The following TMEM26 variants were observed in gnomAD, a reference collection of about 807,000 sequenced individuals.
The protein encoded by TMEM26 is transmembrane protein 26.
A neutral mutation model predicts 28.8 loss-of-function variants in TMEM26; 38 were observed. That is an observed-to-expected ratio of 1.32 (90% CI 1.02 to 1.73). The LOEUF (loss-of-function observed/expected upper bound fraction) is 1.73. Ranked by LOEUF, TMEM26 falls within the 40% of genes most tolerant of loss-of-function variation. TMEM26 has a pLI of 0.00. For synonymous variants in TMEM26, 227 were observed against 182.9 expected (o/e 1.24, Z -1.95); for missense variants, 518 against 447.1 (o/e 1.16, Z -1.43).
At chr10:61,421,247 C>A in intron 4 of TMEM26, among the ~76,000 whole-genome samples, 1 of 151,446 alleles carries the variant, frequency 6.6e-6, no homozygotes, top group Non-Finnish European at 1.5e-5. Flanking sequence ...CTTAAAAATG[C>A]TCATATAACC....
chr10:61,407,494 A>G lies in TMEM26; in HGVS notation c.*2828T>C, dbSNP rs1839510894. The G allele has an allele frequency of 6.6e-6, 1 of 152,188 alleles. No individual in the cohort carries two copies. Among genetic ancestry groups the G allele is most frequent in the African/African-American group, 2.4e-5 (1 of 41,456 alleles). 9.4% of individuals were successfully genotyped at this position (152,188 alleles called of 1,614,324 possible). ...ATAAAAATTAAAAGAATAATCAAAG[A>G]TAAAGACAGTTTACTAATGTTACTA... On this transcript the variant is annotated 3_prime_UTR_variant, in exon 6 of 6. Coordinates refer to ENST00000399298, the MANE Select transcript of TMEM26 (RefSeq NM_178505.8).
rs1446516973 is a variant in TMEM26 at position 61,436,238 on chromosome 10, C to T, written c.202G>A (p.Ala68Thr). The part of the protein sequence containing the change: ...RGRGYKWFSP[A>T]IFLYLISIVP... ...ATGCTAATCAGATATAAAAATATGG[C>T]TGGTGAAAACCTGTGAAAAGAGAGA... is the stretch of plus-strand genomic sequence containing the variant. The change falls in exon 2 of 6, where the codon GCC becomes ACC. Residue 68 changes from alanine to threonine, a missense_variant. By Grantham distance (58) the Ala-to-Thr change is moderately conservative. Coordinates refer to ENST00000399298, the MANE Select transcript of TMEM26 (RefSeq NM_178505.8). The T allele has an allele frequency of 6.3e-7, 1 of 1,595,872 alleles. No individual in the cohort carries two copies. Among genetic ancestry groups the T allele is most frequent in the Non-Finnish European group, 8.5e-7 (1 of 1,170,404 alleles).
chr10:61,425,845 T>C (rs1839822858), intron 4 of TMEM26, among the ~76,000 whole-genome samples: 2 of 152,280 alleles, frequency 1.3e-5, no homozygotes, highest in South Asian at 4.1e-4. Context: ...CTGGTGGGAA[T>C]ATAAATTAAT....
chr10:61,422,665 A>T (rs986463980), intron 4 of TMEM26, among the ~76,000 whole-genome samples: 1 of 152,164 alleles, frequency 6.6e-6, no homozygotes, highest in African/African-American at 2.4e-5. Flanking sequence ...TTACAGGAAA[A>T]TTCACACTTC....
Position 61,410,441 on chromosome 10 carries a change from C to A in TMEM26, c.988G>T (p.Ala330Ser). ...EGLKGEHGCR[A>S]QTSESGPSQR... ...GAGGGCCCACTCTCAGAGGTCTGTG[C>A]CCGGCAACCATGTTCTCCTTTCAGG... Residue 330 changes from alanine (A) to serine (S), a missense_variant, in exon 6 of 6, where the codon GCA becomes TCA. Physicochemically the swap from Ala to Ser is moderately conservative, Grantham distance 99 (BLOSUM62 1). Transcript: ENST00000399298. The A allele has an allele frequency of 1.9e-6, 3 of 1,614,102 alleles. No individual in the cohort carries two copies. The highest frequency in any genetic ancestry group is 2.5e-6 in the Non-Finnish European group (3 of 1,180,018).
intron 1 of TMEM26, 80 bp downstream of exon 1, chr10:61,452,811 G>A: frequency 6.7e-7 from 1 of 1,487,384 alleles, no homozygotes; most frequent in Admixed American, 1.9e-5. Flanking sequence ...TCTGCGGGTT[G>A]CGGGAAGATG....
At chr10:61,431,158 G>C in intron 3 of TMEM26, 61 bp downstream of exon 3, 3 of 1,349,026 alleles carry the variant, frequency 2.2e-6, no homozygotes, top group Non-Finnish European at 2.1e-6. Flanking sequence ...GCAGGTAATT[G>C]AGGATTATAC....
chr10:61,414,145 T>C (rs1012191048), intron 4 of TMEM26: 2 of 718,552 alleles, frequency 2.8e-6, no homozygotes, highest in African/African-American at 1.9e-5. Context: ...GGATACAACA[T>C]ATATTTATGG....
intron 4 of TMEM26, among the ~76,000 whole-genome samples, chr10:61,420,240 G>A (rs1839721632): frequency 6.6e-6 from 1 of 152,038 alleles, no homozygotes; most frequent in Non-Finnish European, 1.5e-5. Flanking sequence ...ATTCATTAGT[G>A]GAAGTGAATC....
intron 3 of TMEM26, 31 bp from the exon 4 acceptor site, chr10:61,429,177 T>A (rs1038809478): frequency 1.3e-6 from 2 of 1,568,738 alleles, no homozygotes; most frequent in Non-Finnish European, 1.8e-6. Flanking sequence ...ACAGACAGGA[T>A]TATCAGCCAC....
chr10:61,423,719 C>T (rs182656493), intron 4 of TMEM26, among the ~76,000 whole-genome samples: 1 of 152,034 alleles, frequency 6.6e-6, no homozygotes, highest in Admixed American at 6.6e-5. Context: ...GGCTAAAGGG[C>T]AAGACCCTGT....
At chr10:61,435,834 A>T (rs965800390) in intron 2 of TMEM26, among the ~76,000 whole-genome samples, 1 of 152,176 alleles carries the variant, frequency 6.6e-6, no homozygotes, top group Non-Finnish European at 1.5e-5. Flanking sequence ...AAACTCACTG[A>T]AGCTGGAAGG....
intron 5 of TMEM26, chr10:61,412,986 C>T: frequency 7.9e-7 from 1 of 1,265,338 alleles, no homozygotes; most frequent in Non-Finnish European, 1.0e-6. Flanking sequence ...TTCTGAAGTT[C>T]TAATACATGG....
chr10:61,431,230 G>T lies in TMEM26; in HGVS notation c.373C>A (p.Leu125Ile), dbSNP rs905074616. ...GGAAAAGCTCTCACCGTCTCAATGA[G>T]ATCATCAGCTCTACTGGTTTGTTCA... ...SNEQTSRADD[L>I]IETAKVFVNN... is the part of the protein sequence containing the mutation. The change falls in exon 3 of 6, where the codon CTC becomes ATC. Residue 125 changes from leucine (L) to isoleucine (I), a missense_variant. Coordinates refer to ENST00000399298, the MANE Select transcript of TMEM26 (RefSeq NM_178505.8). 3 of 1,612,224 alleles carry T rather than the reference G, an allele frequency of 1.9e-6. No homozygotes were observed. The African/African-American group carries it at 4.0e-5, about 22-fold the overall frequency.
At position 61,435,424 on chromosome 10, in the gene TMEM26, C is replaced by T. The variant is rs564276408; in HGVS notation, c.270+746G>A. On this transcript the variant is annotated intron_variant, in intron 2 of 5. Transcript: ENST00000399298. ...CCCATCTCTTGACCTCGTGATCCAC[C>T]CGCTTCGGCCTCCCAAAGTGCCGTG... is the stretch of plus-strand genomic sequence containing the variant. Among the ~76,000 whole-genome samples, 12 of 152,308 alleles carry T rather than the reference C, an allele frequency of 7.9e-5. 2 individuals are homozygous for T. The South Asian group carries it at 2.5e-3, about 32-fold the overall frequency.
At chr10:61,451,367 C>T (rs1589049080) in intron 1 of TMEM26, among the ~76,000 whole-genome samples, 2 of 152,322 alleles carry the variant, frequency 1.3e-5, no homozygotes, top group South Asian at 4.1e-4. Flanking sequence ...GGCTGAAGGT[C>T]TCCTAGAAAC....
intron 2 of TMEM26, among the ~76,000 whole-genome samples, chr10:61,432,810 T>A (rs1839944173): frequency 6.6e-6 from 1 of 152,124 alleles, no homozygotes; most frequent in South Asian, 2.1e-4. Context: ...ATGGTTGAAA[T>A]GACAAGAATA....
intron 1 of TMEM26, among the ~76,000 whole-genome samples, chr10:61,437,926 G>A (rs912871903): frequency 2.0e-5 from 3 of 152,078 alleles, no homozygotes; most frequent in African/African-American, 7.2e-5. Context: ...AAATGACCTA[G>A]AAAATAGACA....
At chr10:61,435,563 C>A (rs1228821517) in intron 2 of TMEM26, among the ~76,000 whole-genome samples, 1 of 152,192 alleles carries the variant, frequency 6.6e-6, no homozygotes, top group Non-Finnish European at 1.5e-5. Context: ...CACGACTCCT[C>A]CCCTTTAATC....
Sources: gnomAD v4.1 joint callset for allele counts (sites outside exome capture counted in the v4.1 genomes callset) on GRCh38, gnomAD v4.1.1 for gene constraint, MANE v1.5 for transcripts, NCBI Gene and HGNC (gene_info 2026-07-23, HGNC 2026-07-21) for gene names.